The following SDHC variants were observed in gnomAD, a reference collection of about 807,000 sequenced individuals.
SDHC encodes succinate dehydrogenase complex subunit C, also known as succinate dehydrogenase cytochrome b560 subunit, mitochondrial.
In SDHC, 11 loss-of-function variants were observed where a neutral mutation model predicts 22.6. The ratio of observed to expected loss-of-function variants is 0.49; its 90% CI spans 0.31 to 0.81. SDHC has a LOEUF of 0.81. Among genes scored for constraint, SDHC ranks in the 30% least tolerant of loss-of-function variants. The probability of loss-of-function intolerance (pLI) is 0.05; values close to 1 mark genes in which losing one functional copy is unlikely to be tolerated. For synonymous variants in SDHC, 80 were observed against 77.8 expected (o/e 1.03, Z -0.15); for missense variants, 160 against 212.0 (o/e 0.75, Z 1.52).
chr1:161,323,110 C>T (rs746532350), intron 1 of SDHC, among the ~76,000 whole-genome samples: 2 of 151,812 alleles, frequency 1.3e-5, no homozygotes, highest in African/African-American at 4.8e-5. Flanking sequence ...GCCATTCTCT[C>T]GCCTCAGCCT....
At chr1:161,360,230 A>G (rs1672454546) in intron 5 of SDHC, among the ~76,000 whole-genome samples, 1 of 148,842 alleles carries the variant, frequency 6.7e-6, no homozygotes, top group Admixed American at 6.7e-5. Flanking sequence ...TAATATCCCT[A>G]AGACACAAGA....
chr1:161,332,619 A>G (rs1438250149), intron 3 of SDHC, among the ~76,000 whole-genome samples: 10 of 150,770 alleles, frequency 6.6e-5, no homozygotes, highest in Non-Finnish European at 3.0e-5. Flanking sequence ...CAATTTTAGA[A>G]TATTTTCTTT....
intron 4 of SDHC, among the ~76,000 whole-genome samples, chr1:161,353,554 C>T (rs1672163530): frequency 6.6e-6 from 1 of 152,158 alleles, no homozygotes; most frequent in Non-Finnish European, 1.5e-5. Context: ...TTCAGGTTTA[C>T]CTCAGTGTCT....
chr1:161,339,508 A>C (rs774076347), intron 3 of SDHC: 1 of 1,006,282 alleles, frequency 9.9e-7, no homozygotes, highest in African/African-American at 1.7e-5. Context: ...TCTTTGACCC[A>C]TGTTTCTCCT....
At chr1:161,314,532 G>A (rs1670529583) in intron 1 of SDHC, 107 bp downstream of exon 1, 3 of 1,405,762 alleles carry the variant, frequency 2.1e-6, no homozygotes, top group Admixed American at 1.8e-5. Context: ...GCAGGGAAAG[G>A]ACCCATGGGT....
intron 3 of SDHC, among the ~76,000 whole-genome samples, chr1:161,340,297 A>G (rs1671674049): frequency 2.6e-5 from 3 of 115,024 alleles, no homozygotes; most frequent in African/African-American, 8.2e-5. Flanking sequence ...CCGGGGGGGT[A>G]AAAAAAAAAG....
intron 4 of SDHC, among the ~76,000 whole-genome samples, chr1:161,345,972 A>C (rs1165654001): frequency 4.0e-5 from 6 of 151,232 alleles, no homozygotes; most frequent in Non-Finnish European, 8.8e-5. Flanking sequence ...TGCACGGCTA[A>C]TGTTTGTATT....
At chr1:161,315,438 C>G (rs1333939824) in intron 1 of SDHC, among the ~76,000 whole-genome samples, 1 of 152,192 alleles carries the variant, frequency 6.6e-6, no homozygotes, top group Non-Finnish European at 1.5e-5. Context: ...TATGTATCTT[C>G]TGTCTAAGGT....
At chr1:161,348,151 A>G (rs1488461369) in intron 4 of SDHC, among the ~76,000 whole-genome samples, 1 of 151,898 alleles carries the variant, frequency 6.6e-6, no homozygotes, top group Non-Finnish European at 1.5e-5. Context: ...AAACTTGACA[A>G]TTTTTGTTTG....
intron 3 of SDHC, among the ~76,000 whole-genome samples, chr1:161,337,449 C>T (rs1319315130): frequency 3.3e-5 from 5 of 152,202 alleles, no homozygotes; most frequent in South Asian, 2.1e-4. Flanking sequence ...AAGGAGAATT[C>T]GTAAGTCATG....
At chr1:161,336,123 T>C (rs1474934056) in intron 3 of SDHC, among the ~76,000 whole-genome samples, 1 of 152,206 alleles carries the variant, frequency 6.6e-6, no homozygotes, top group Non-Finnish European at 1.5e-5. Flanking sequence ...AGTGATCTTA[T>C]TTCTTGCTTC....
chr1:161,318,119 C>A (rs1670695570), intron 1 of SDHC, among the ~76,000 whole-genome samples: 1 of 151,792 alleles, frequency 6.6e-6, no homozygotes, highest in South Asian at 2.1e-4. Context: ...TTGCAGTGAG[C>A]TGAGATCATG....
At chr1:161,330,125 C>T (rs896578861) in intron 3 of SDHC, among the ~76,000 whole-genome samples, 1 of 152,170 alleles carries the variant, frequency 6.6e-6, no homozygotes. Flanking sequence ...ACAGTCTACC[C>T]TCTAGCCCTC....
chr1:161,320,328 A>C (rs1435561192), intron 1 of SDHC, among the ~76,000 whole-genome samples: 1 of 152,182 alleles, frequency 6.6e-6, no homozygotes, highest in Admixed American at 6.6e-5. Context: ...ATTATTATTC[A>C]TCATGCCATT....
At chr1:161,332,185 G>T (rs1671302167) in intron 3 of SDHC, among the ~76,000 whole-genome samples, 2 of 152,046 alleles carry the variant, frequency 1.3e-5, no homozygotes, top group South Asian at 4.2e-4. Flanking sequence ...ATATTACCCA[G>T]GCTGGTCTTG....
intron 4 of SDHC, among the ~76,000 whole-genome samples, chr1:161,354,418 A>G (rs1380576234): frequency 1.3e-5 from 2 of 152,130 alleles, no homozygotes; most frequent in Non-Finnish European, 2.9e-5. Flanking sequence ...TTTCATTTGA[A>G]TATGTAAAAT....
intron 4 of SDHC, among the ~76,000 whole-genome samples, chr1:161,354,295 A>G (rs964995319): frequency 4.6e-5 from 7 of 152,238 alleles, no homozygotes; most frequent in African/African-American, 1.7e-4. Flanking sequence ...CTGAAAACCC[A>G]GCTTTGCAAA....
chr1:161,352,428 A>G lies in SDHC; in HGVS notation c.242-4249A>G, dbSNP rs565174346. ...CTCCCAGAGATTTGTATAAAAAAAAATTTTTCCTGATTACAAGAACATATT... is the reference window on the plus strand; with the variant it reads ...CTCCCAGAGATTTGTATAAAAAAAAGTTTTTCCTGATTACAAGAACATATT... On this transcript the variant is annotated intron_variant, in intron 4 of 5. Coordinates refer to ENST00000367975, the MANE Select transcript of SDHC (RefSeq NM_003001.5). Among the ~76,000 whole-genome samples the G allele has an allele frequency of 6.6e-5, 10 of 152,206 alleles. No individual in the cohort carries two copies. The South Asian group carries it at 1.0e-3, about 16-fold the overall frequency.
intron 4 of SDHC, among the ~76,000 whole-genome samples, chr1:161,350,243 G>A (rs112744870): frequency 0.021 from 3,130 of 152,178 alleles, 114 homozygotes; most frequent in African/African-American, 0.071. Flanking sequence ...ATGGAGATGA[G>A]GTTTCACAGT....
Sources: allele counts gnomAD v4.1 joint callset (sites outside exome capture counted in the v4.1 genomes callset), GRCh38; gene constraint gnomAD v4.1.1; transcripts MANE v1.5; gene names NCBI Gene and HGNC (gene_info 2026-07-23, HGNC 2026-07-21).